Variants in STON2 observed in about 807,000 individuals in gnomAD.
STON2 encodes the protein stonin 2.
In STON2, 29 loss-of-function variants were observed where a neutral mutation model predicts 65.7. The observed-to-expected ratio is 0.44, with a 90% CI of 0.33 to 0.60. The LOEUF is 0.60. STON2 is among the 20% of genes least tolerant of loss of function. The pLI, the probability that STON2 is intolerant of heterozygous loss-of-function variation, is 0.03. For missense variants in STON2, 1,054 were observed against 1,118.1 expected (o/e 0.94, Z 0.82); for synonymous variants, 404 against 414.2 (o/e 0.98, Z 0.30).
At chr14:81,385,864 T>C (rs971040288) in intron 3 of STON2, among the ~76,000 whole-genome samples, 3 of 152,184 alleles carry the variant, frequency 2.0e-5, no homozygotes, top group Admixed American at 6.5e-5. Flanking sequence ...TTTGACCCAA[T>C]TGCAGGTAGA....
At chr14:81,271,465 C>T (rs1405943731) in intron 6 of STON2, among the ~76,000 whole-genome samples, 1 of 152,172 alleles carries the variant, frequency 6.6e-6, no homozygotes, top group Non-Finnish European at 1.5e-5. Flanking sequence ...GTTGGACTTC[C>T]AGCTCCCCTG....
At chr14:81,381,166 C>T (rs1191070890) in intron 3 of STON2, among the ~76,000 whole-genome samples, 3 of 152,064 alleles carry the variant, frequency 2.0e-5, no homozygotes, top group East Asian at 3.8e-4. Flanking sequence ...TAGACTTGTA[C>T]TTCAAACTGT....
intron 6 of STON2, among the ~76,000 whole-genome samples, 190 bp from the exon 7 acceptor site, chr14:81,271,062 C>T (rs1894569966): frequency 1.3e-5 from 2 of 152,106 alleles, no homozygotes; most frequent in African/African-American, 2.4e-5. Flanking sequence ...CTCAGCCCCT[C>T]GATATAACTC....
intron 5 of STON2, among the ~76,000 whole-genome samples, chr14:81,314,049 AAATTGT>A (rs765176710): frequency 5.9e-5 from 9 of 152,238 alleles, no homozygotes; most frequent in Non-Finnish European, 1.0e-4. Context: ...AGTGCCTTGC[AAATTGT>A]AAGACTTCAG....
Position 81,278,094 on chromosome 14 carries a change from G to A in STON2, c.1388C>T (p.Pro463Leu), listed in dbSNP as rs775773318. The change falls in exon 6 of 8, where the codon CCA (proline) becomes CTA (leucine). Residue 463 changes from proline to leucine, a missense_variant. By Grantham distance (98) the Pro-to-Leu change is moderately conservative (BLOSUM62 -3). Coordinates refer to ENST00000614646, the MANE Select transcript of STON2 (RefSeq NM_001394390.1). ...AGCATCTAGTTCAATCCAGGCTACTGGGTCATCATCAGGTAGAGTTGCACT... is the reference window on the plus strand; with the variant it reads ...AGCATCTAGTTCAATCCAGGCTACTAGGTCATCATCAGGTAGAGTTGCACT... Reference protein sequence around the residue: ...FGSATLPDDDPVAWIELDAHP... With the variant: ...FGSATLPDDDLVAWIELDAHP... 1.2e-6 allele frequency: 2 copies of A among 1,614,150 alleles called. No individual in the cohort carries two copies. The highest frequency in any genetic ancestry group is 2.2e-5 in the East Asian group (1 of 44,868).
chr14:81,274,450 A>G (rs1489937560), intron 6 of STON2, among the ~76,000 whole-genome samples: 2 of 152,214 alleles, frequency 1.3e-5, no homozygotes, highest in African/African-American at 4.8e-5. Flanking sequence ...GGAATCATTA[A>G]GGAGAGTGTT....
chr14:81,297,850 C>T (rs1312119573), intron 5 of STON2, among the ~76,000 whole-genome samples: 1 of 152,132 alleles, frequency 6.6e-6, no homozygotes, highest in Admixed American at 6.5e-5. Context: ...ACCAGCCTGA[C>T]CAACATGGAG....
intron 5 of STON2, among the ~76,000 whole-genome samples, chr14:81,322,397 CT>C: frequency 6.6e-6 from 1 of 152,310 alleles, no homozygotes; most frequent in Non-Finnish European, 1.5e-5. Flanking sequence ...CCAGCAATCT[CT>C]AGGCAAAATC....
chr14:81,306,721 A>C (rs946631754), intron 5 of STON2: 1 of 152,164 alleles, frequency 6.6e-6, no homozygotes, highest in African/African-American at 2.4e-5. Context: ...CCACATTAGG[A>C]AAAACAATGG....
chr14:81,332,722 A>G (rs1897253499), intron 4 of STON2, among the ~76,000 whole-genome samples: 2 of 152,244 alleles, frequency 1.3e-5, no homozygotes, highest in Admixed American at 1.3e-4. Flanking sequence ...CTCTTTATGG[A>G]TTCAAGACAT....
chr14:81,292,419 ATGGTTCCC>A lies in STON2; in HGVS notation c.743-13688_743-13681del, dbSNP rs201118981. Among the ~76,000 whole-genome samples the A allele has an allele frequency of 2.4e-3, 360 of 152,308 alleles. 5 individuals carry two copies. The highest frequency in any genetic ancestry group is 8.3e-3 in the African/African-American group (344 of 41,572). ...CCCCATCCAAATCTCATCTTGACTT[ATGGTTCCC>A]ATAATCCCCTCTTGTCATTGGAGGG... On this transcript the variant is annotated intron_variant, in intron 5 of 7. Coordinates refer to ENST00000614646, the MANE Select transcript of STON2 (RefSeq NM_001394390.1).
rs1210168790 is a variant in STON2, at chr14:81,356,463, A to G, written c.571+14525T>C. 1.3e-4 allele frequency among the ~76,000 whole-genome samples: 20 copies of G among 152,148 alleles called. No homozygotes were observed. In the East Asian group the frequency reaches 3.9e-3, roughly 29 times the overall value. Reference sequence around the variant, plus strand: ...ATGTTCATCAAGGATATTGGTCTAAAATTCTCTTTTTTTGTTGTGTCTCTG... The same window carrying G: ...ATGTTCATCAAGGATATTGGTCTAAGATTCTCTTTTTTTGTTGTGTCTCTG... On this transcript the variant is annotated intron_variant, in intron 4 of 7. Transcript: ENST00000614646.
At chr14:81,355,626 T>C (rs979713376) in intron 4 of STON2, among the ~76,000 whole-genome samples, 4 of 152,188 alleles carry the variant, frequency 2.6e-5, no homozygotes, top group Admixed American at 2.0e-4. Context: ...ATGCCTACCT[T>C]ATAGGTACTG....
At chr14:81,371,775 T>C (rs776899470) in intron 3 of STON2, among the ~76,000 whole-genome samples, 2 of 151,964 alleles carry the variant, frequency 1.3e-5, no homozygotes, top group Non-Finnish European at 2.9e-5. Context: ...CAGGGTCTAA[T>C]TTCACTTCTT....
rs1894380697 is a variant in STON2 at position 81,266,981 on chromosome 14, T to C, written c.*1433A>G. On this transcript the variant is annotated 3_prime_UTR_variant, in exon 8 of 8. Transcript: ENST00000614646. Reference sequence around the variant, plus strand: ...TCAAAATACTGTAACTATTTCTATATCCCAGTGTCAATACACATTTAGACT... The same window carrying C: ...TCAAAATACTGTAACTATTTCTATACCCCAGTGTCAATACACATTTAGACT... 1.0e-6 allele frequency: 1 copy of C among 985,364 alleles called. No homozygotes were observed. The highest frequency in any genetic ancestry group is 1.1e-4 in the East Asian group (1 of 8,822). 61.0% of individuals were successfully genotyped at this position (985,364 alleles called of 1,614,324 possible). A position where few individuals can be genotyped will look rare whatever the true frequency, so the allele number is the denominator to read the frequency against.
At chr14:81,362,662 A>G (rs987166267) in intron 4 of STON2, among the ~76,000 whole-genome samples, 1 of 152,356 alleles carries the variant, frequency 6.6e-6, no homozygotes, top group African/African-American at 2.4e-5. Context: ...CACAAAAATA[A>G]TAAGTATTTA....
intron 4 of STON2, among the ~76,000 whole-genome samples, chr14:81,354,895 T>C (rs1229779136): frequency 6.6e-6 from 1 of 151,904 alleles, no homozygotes; most frequent in Admixed American, 6.6e-5. Flanking sequence ...CACGTTCCTG[T>C]AATCCCAGCT....
intron 2 of STON2, among the ~76,000 whole-genome samples, chr14:81,407,110 C>T (rs1258924231): frequency 6.6e-6 from 1 of 152,152 alleles, no homozygotes; most frequent in African/African-American, 2.4e-5. Flanking sequence ...TGCCTGTTGA[C>T]CGAAGCCTGA....
At chr14:81,423,452 T>C (rs1901813743) in intron 2 of STON2, among the ~76,000 whole-genome samples, 1 of 152,154 alleles carries the variant, frequency 6.6e-6, no homozygotes, top group Non-Finnish European at 1.5e-5. Context: ...CTAGAACAAC[T>C]TATCTGGCTC....
Sources: gnomAD v4.1 joint callset for allele counts (sites outside exome capture counted in the v4.1 genomes callset) on GRCh38, gnomAD v4.1.1 for gene constraint, MANE v1.5 for transcripts, NCBI Gene and HGNC (gene_info 2026-07-23, HGNC 2026-07-21) for gene names.